GMDS: variants seen among roughly 807,000 people sequenced by gnomAD.
GMDS encodes the protein GDP-mannose 4,6 dehydratase.
Under a neutral mutation model 49.9 loss-of-function variants are expected in GMDS, and 20 were observed. That is an observed-to-expected ratio of 0.40 (90% confidence interval 0.28 to 0.58). The LOEUF is 0.58. GMDS is among the 20% of genes least tolerant of loss of function. GMDS has a pLI of 0.42. For synonymous variants in GMDS, 177 were observed against 178.6 expected, an observed-to-expected ratio of 0.99 and a Z score of 0.07; for missense variants, 362 against 481.4, an observed-to-expected ratio of 0.75 and a Z score of 2.32.
At chr6:1,851,286 C>T (rs1757657818) in intron 7 of GMDS, among the ~76,000 whole-genome samples, 1 of 152,150 alleles carries the variant, frequency 6.6e-6, no homozygotes, top group African/African-American at 2.4e-5. Flanking sequence ...TTAAGGCTGC[C>T]TTCTAACCTT....
chr6:1,958,521 G>C (rs1366349768), intron 6 of GMDS, among the ~76,000 whole-genome samples: 1 of 152,086 alleles, frequency 6.6e-6, no homozygotes. Context: ...GTTTCTCACT[G>C]CTTGTGAATT....
chr6:1,683,932 G>A (rs189732608), intron 9 of GMDS, among the ~76,000 whole-genome samples: 51 of 150,480 alleles, frequency 3.4e-4, no homozygotes, highest in African/African-American at 1.2e-3. Context: ...GCCTGGATCC[G>A]CCCTCTATCA....
At chr6:2,217,501 A>T (rs574174036) in intron 1 of GMDS, among the ~76,000 whole-genome samples, 8 of 152,326 alleles carry the variant, frequency 5.3e-5, no homozygotes, top group African/African-American at 1.7e-4. Context: ...TAATCTCATT[A>T]ACTTGCTTTT....
chr6:1,661,921 C>G (rs1385352631), intron 9 of GMDS, among the ~76,000 whole-genome samples: 1 of 152,142 alleles, frequency 6.6e-6, no homozygotes, highest in South Asian at 2.1e-4. Context: ...AGGCTATCAT[C>G]TGAGGGTCAT....
intron 7 of GMDS, among the ~76,000 whole-genome samples, chr6:1,843,320 A>C (rs1046750999): frequency 6.6e-6 from 1 of 152,094 alleles, no homozygotes; most frequent in Non-Finnish European, 1.5e-5. Context: ...TCATGCACAA[A>C]GCAGGCCATG....
intron 1 of GMDS, among the ~76,000 whole-genome samples, chr6:2,229,090 C>A (rs1048141764): frequency 2.0e-5 from 3 of 152,190 alleles, no homozygotes; most frequent in Non-Finnish European, 2.9e-5. Flanking sequence ...GGCTTCACTG[C>A]AGATGGGGTG....
intron 8 of GMDS, among the ~76,000 whole-genome samples, chr6:1,730,882 CA>C (rs554067586): frequency 2.7e-4 from 41 of 152,022 alleles, no homozygotes; most frequent in African/African-American, 9.7e-4. Flanking sequence ...TAAGGAAAAT[CA>C]CATATATGAA....
At chr6:1,736,426 C>T (rs758289683) in intron 8 of GMDS, among the ~76,000 whole-genome samples, 1 of 152,130 alleles carries the variant, frequency 6.6e-6, no homozygotes, top group Non-Finnish European at 1.5e-5. Flanking sequence ...TTTATGATGA[C>T]CAAATATAAT....
intron 7 of GMDS, among the ~76,000 whole-genome samples, chr6:1,852,711 A>ATTTTTTT (rs777786801): frequency 1.6e-4 from 23 of 142,548 alleles, no homozygotes; most frequent in African/African-American, 5.7e-4. Flanking sequence ...GTGGGATCCG[A>ATTTTTTT]TTTTTTTTTT....
intron 4 of GMDS, among the ~76,000 whole-genome samples, chr6:2,037,973 T>C (rs114531341): frequency 0.02 from 3,121 of 152,324 alleles, 41 homozygotes; most frequent in South Asian, 0.04. Context: ...ACATTTTAAC[T>C]ATTCCCTGCC....
At chr6:1,704,388 G>T (rs888957589) in intron 9 of GMDS, among the ~76,000 whole-genome samples, 7 of 152,090 alleles carry the variant, frequency 4.6e-5, no homozygotes, top group African/African-American at 1.7e-4. Flanking sequence ...GGCTCCATGG[G>T]GGTGGGCAAC....
At position 1,879,407 on chromosome 6, in the gene GMDS, T is replaced by C. The variant is rs3800114; in HGVS notation, c.771+50696A>G. Among the ~76,000 whole-genome samples the C allele has an allele frequency of 0.014, 2,194 of 152,282 alleles. 120 individuals are homozygous for C. In the East Asian group the frequency reaches 0.17, roughly 12 times the overall value. On this transcript the variant is annotated intron_variant, in intron 7 of 10. Transcript: ENST00000380815. ...TCACCTGCTAAGGAGTCAAGCTTGC[T>C]GGGTGAGTAAACTTCAAGTGACTTC...
rs76884212 is a variant in GMDS at position 2,206,271 on chromosome 6, A to T, written c.102+39050T>A. Among the ~76,000 whole-genome samples the T allele has an allele frequency of 7.8e-3, 1,190 of 151,862 alleles. 12 individuals are homozygous for T. Among genetic ancestry groups the T allele is most frequent in the Non-Finnish European group, 0.013 (879 of 67,862 alleles). ...AAAACTCCATCTCAAGAAAAAAAAA[A>T]GCCCGGACATCCAACTCTGAAATGA... On this transcript the variant is annotated intron_variant, in intron 1 of 10. Coordinates refer to ENST00000380815, the MANE Select transcript of GMDS (RefSeq NM_001500.4).
intron 9 of GMDS, among the ~76,000 whole-genome samples, chr6:1,639,959 C>G (rs1763277004): frequency 6.6e-6 from 1 of 152,204 alleles, no homozygotes; most frequent in Non-Finnish European, 1.5e-5. Flanking sequence ...CCCTGAACCT[C>G]ACTGGGCCTA....
intron 6 of GMDS, among the ~76,000 whole-genome samples, chr6:1,948,034 G>A (rs966128688): frequency 2.6e-5 from 4 of 152,072 alleles, no homozygotes; most frequent in South Asian, 2.1e-4. Context: ...TAATAATGAC[G>A]TGCTAATAAC....
At chr6:2,065,777 G>A (rs943835061) in intron 4 of GMDS, among the ~76,000 whole-genome samples, 7 of 152,164 alleles carry the variant, frequency 4.6e-5, no homozygotes, top group Non-Finnish European at 1.0e-4. Context: ...TATGTGAAAA[G>A]ACCAAATCTA....
At chr6:2,013,574 G>C (rs764847451) in intron 4 of GMDS, among the ~76,000 whole-genome samples, 85 of 152,064 alleles carry the variant, frequency 5.6e-4, no homozygotes, top group Admixed American at 1.0e-3. Flanking sequence ...CAACATACAA[G>C]AAGATATGCG....
chr6:2,098,056 A>G (rs867407495), intron 4 of GMDS, among the ~76,000 whole-genome samples: 8 of 151,662 alleles, frequency 5.3e-5, no homozygotes, highest in African/African-American at 1.7e-4. Context: ...TACACATAAT[A>G]TTATTATTAT....
chr6:2,243,843 C>CTTTTTTTTTTTTTT lies in GMDS; in HGVS notation c.102+1464_102+1477dup, dbSNP rs68171156. ...ATCTGGCCAATTTCAACTTCTCCTT[C>CTTTTTTTTTTTTTT]TTTTTTTTTTTTTTTTTTTTTTTTT... On this transcript the variant is annotated intron_variant, in intron 1 of 10. Coordinates refer to ENST00000380815, the MANE Select transcript of GMDS (RefSeq NM_001500.4). Among the ~76,000 whole-genome samples, 5 of 58,152 alleles carry CTTTTTTTTTTTTTT rather than the reference C, an allele frequency of 8.6e-5. 1 individual carries two copies. Among genetic ancestry groups the CTTTTTTTTTTTTTT allele is most frequent in the African/African-American group, 3.0e-4 (5 of 16,662 alleles). 38.1% of individuals were successfully genotyped at this position (58,152 alleles called of 152,430 possible).
Sources: allele counts gnomAD v4.1 joint callset (sites outside exome capture counted in the v4.1 genomes callset), GRCh38; gene constraint gnomAD v4.1.1; transcripts MANE v1.5; gene names NCBI Gene and HGNC (gene_info 2026-07-23, HGNC 2026-07-21).